The following NRG1 variants were observed in gnomAD, a reference collection of about 807,000 sequenced individuals.
NRG1 encodes pro-neuregulin-1, membrane-bound isoform.
A neutral mutation model predicts 63.8 loss-of-function variants in NRG1; 18 were observed. The ratio of observed to expected loss-of-function variants is 0.28; its 90% confidence interval spans 0.19 to 0.42. The LOEUF (loss-of-function observed/expected upper bound fraction) is 0.42. Among genes scored for constraint, NRG1 ranks in the 10% least tolerant of loss-of-function variants. The pLI is 1.00. For synonymous variants in NRG1, 302 were observed against 301.3 expected (o/e 1.00, Z -0.02); for missense variants, 762 against 814.7 (o/e 0.94, Z 0.79).
chr8:31,698,391 G>A (rs771643190), intron 1 of NRG1, among the ~76,000 whole-genome samples: 1 of 152,126 alleles, frequency 6.6e-6, no homozygotes, highest in Admixed American at 6.5e-5. Flanking sequence ...AGCTAGCAAG[G>A]CTATGTCCTT....
At chr8:32,343,250 G>C (rs1456415093) in intron 1 of NRG1, among the ~76,000 whole-genome samples, 1 of 152,182 alleles carries the variant, frequency 6.6e-6, no homozygotes, top group East Asian at 1.9e-4. Context: ...TTAATATATT[G>C]TCAACTTTGA....
At chr8:32,704,612 A>G (rs2128967614) in intron 5 of NRG1, among the ~76,000 whole-genome samples, 1 of 152,364 alleles carries the variant, frequency 6.6e-6, no homozygotes, top group South Asian at 2.1e-4. Flanking sequence ...CCAAGGCTCA[A>G]GAATTTTATG....
chr8:31,667,117 T>C (rs1203110276), intron 1 of NRG1, among the ~76,000 whole-genome samples: 3 of 152,196 alleles, frequency 2.0e-5, no homozygotes, highest in Non-Finnish European at 4.4e-5. Flanking sequence ...TCATATCACC[T>C]TGAATATTCA....
intron 1 of NRG1, among the ~76,000 whole-genome samples, chr8:32,108,071 A>T (rs1418029286): frequency 1.3e-5 from 2 of 152,140 alleles, no homozygotes; most frequent in Non-Finnish European, 2.9e-5. Flanking sequence ...GTGAATGTAG[A>T]TTCATATCAA....
intron 1 of NRG1, among the ~76,000 whole-genome samples, chr8:31,920,272 C>T (rs541601304): frequency 1.4e-5 from 2 of 148,098 alleles, no homozygotes; most frequent in South Asian, 2.2e-4. Context: ...GAATTACTGT[C>T]GCTGATTGGA....
intron 1 of NRG1, chr8:32,029,386 C>T (rs1025258327): frequency 6.6e-6 from 1 of 152,128 alleles, no homozygotes; most frequent in Non-Finnish European, 1.5e-5. Flanking sequence ...CAGAATCGGG[C>T]AGCCATTAGA....
intron 1 of NRG1, among the ~76,000 whole-genome samples, chr8:31,850,883 C>T (rs1419587851): frequency 6.6e-6 from 1 of 152,174 alleles, no homozygotes; most frequent in East Asian, 1.9e-4. Flanking sequence ...TTCTCAGAGA[C>T]TATCATATGT....
chr8:31,966,624 T>C (rs555513346), intron 1 of NRG1, among the ~76,000 whole-genome samples: 1 of 152,176 alleles, frequency 6.6e-6, no homozygotes. Context: ...GGGAGCTGCT[T>C]AATACATTTC....
chr8:31,688,706 C>T (rs912930806), intron 1 of NRG1, among the ~76,000 whole-genome samples: 22 of 152,196 alleles, frequency 1.4e-4, no homozygotes, highest in Admixed American at 1.3e-3. Context: ...TTCACTAAAG[C>T]TTTTACCTTC....
At chr8:31,804,357 A>G (rs553015505) in intron 1 of NRG1, among the ~76,000 whole-genome samples, 179 of 152,144 alleles carry the variant, frequency 1.2e-3, no homozygotes, top group African/African-American at 4.1e-3. Context: ...GCATCCTCTG[A>G]AGTTGTTACT....
At chr8:32,125,694 C>T (rs954002415) in intron 1 of NRG1, among the ~76,000 whole-genome samples, 8 of 151,854 alleles carry the variant, frequency 5.3e-5, no homozygotes, top group Non-Finnish European at 1.2e-4. Context: ...CTTTCCCACC[C>T]ACTCCATCAC....
At chr8:31,856,371 C>T (rs1026876676) in intron 1 of NRG1, among the ~76,000 whole-genome samples, 6 of 152,244 alleles carry the variant, frequency 3.9e-5, no homozygotes, top group Admixed American at 2.6e-4. Flanking sequence ...TTTCATCTTC[C>T]ATCGCTGATA....
intron 1 of NRG1, among the ~76,000 whole-genome samples, chr8:32,359,757 G>A (rs974424066): frequency 6.6e-6 from 1 of 152,126 alleles, no homozygotes; most frequent in African/African-American, 2.4e-5. Flanking sequence ...TTGATTTAAG[G>A]CATAGTGAGA....
chr8:31,839,115 G>T (rs562920735), intron 1 of NRG1, among the ~76,000 whole-genome samples: 1 of 152,068 alleles, frequency 6.6e-6, no homozygotes, highest in South Asian at 2.1e-4. Context: ...AATAATTTGA[G>T]GTCTCCATAG....
intron 5 of NRG1, among the ~76,000 whole-genome samples, chr8:32,674,192 T>C (rs775465622): frequency 2.0e-5 from 3 of 152,204 alleles, no homozygotes; most frequent in Non-Finnish European, 4.4e-5. Context: ...GAATTCGTGT[T>C]TTGACATATA....
chr8:32,489,924 C>T (rs1826351938), intron 1 of NRG1, among the ~76,000 whole-genome samples: 1 of 152,204 alleles, frequency 6.6e-6, no homozygotes, highest in Admixed American at 6.5e-5. Context: ...GCTCTCAATA[C>T]ACTTAAATTG....
At chr8:31,922,491 G>T (rs1833998931) in intron 1 of NRG1, among the ~76,000 whole-genome samples, 1 of 152,100 alleles carries the variant, frequency 6.6e-6, no homozygotes, top group Non-Finnish European at 1.5e-5. Context: ...ATTAGCAGGA[G>T]ACATTATGGA....
intron 1 of NRG1, among the ~76,000 whole-genome samples, chr8:32,449,413 TAA>T (rs79338341): frequency 5.6e-5 from 8 of 142,078 alleles, no homozygotes; most frequent in Admixed American, 1.4e-4. Flanking sequence ...CTCTCCAGCC[TAA>T]AAAAAAAAAA....
At chr8:32,615,795 C>A (rs527269046) in intron 4 of NRG1, among the ~76,000 whole-genome samples, 2 of 150,652 alleles carry the variant, frequency 1.3e-5, no homozygotes, top group Non-Finnish European at 1.5e-5. Context: ...ATGTGTGTTG[C>A]GGAATGGTAT....
Sources: allele counts gnomAD v4.1 joint callset (sites outside exome capture counted in the v4.1 genomes callset), GRCh38; gene constraint gnomAD v4.1.1; transcripts MANE v1.5; gene names NCBI Gene and HGNC (gene_info 2026-07-23, HGNC 2026-07-21).